The following SLC4A4 variants were observed in gnomAD, a reference collection of about 807,000 sequenced individuals.
SLC4A4 encodes electrogenic sodium bicarbonate cotransporter 1.
Under a neutral mutation model 111.5 loss-of-function variants are expected in SLC4A4, and 27 were observed. The ratio of observed to expected loss-of-function variants is 0.24; its 90% CI spans 0.18 to 0.33. The LOEUF is 0.33. Among genes scored for constraint, SLC4A4 ranks in the 10% least tolerant of loss-of-function variants. The probability of loss-of-function intolerance (pLI) is 1.00; values close to 1 mark genes in which losing one functional copy is unlikely to be tolerated. For synonymous variants in SLC4A4, 443 were observed against 463.4 expected (o/e 0.96, Z 0.57); for missense variants, 909 against 1,315.5 (o/e 0.69, Z 4.78).
chr4:71,482,265 T>G (rs554083303), intron 14 of SLC4A4, among the ~76,000 whole-genome samples: 1 of 151,830 alleles, frequency 6.6e-6, no homozygotes, highest in South Asian at 2.1e-4. Context: ...TTTCAAGTCT[T>G]TCTTCTGAAG....
At chr4:71,129,407 CCA>C (rs1743642447) in intron 2 of SLC4A4, among the ~76,000 whole-genome samples, 1 of 152,002 alleles carries the variant, frequency 6.6e-6, no homozygotes, top group Admixed American at 6.6e-5. Context: ...CAAATTAAAA[CCA>C]CAGTGAGATA....
At chr4:71,498,854 A>AAC (rs1318425189) in intron 16 of SLC4A4, among the ~76,000 whole-genome samples, 3 of 152,266 alleles carry the variant, frequency 2.0e-5, no homozygotes, top group African/African-American at 7.2e-5. Flanking sequence ...CATACAAAAA[A>AAC]ACACACTCTC....
chr4:71,100,273 A>G (rs1353206848), intron 2 of SLC4A4, among the ~76,000 whole-genome samples: 1 of 152,114 alleles, frequency 6.6e-6, no homozygotes, highest in Non-Finnish European at 1.5e-5. Flanking sequence ...TAGACTTCAT[A>G]CCCAGGATGC....
chr4:71,079,811 T>C (rs1368330829), intron 1 of SLC4A4, among the ~76,000 whole-genome samples: 1 of 151,734 alleles, frequency 6.6e-6, no homozygotes, highest in African/African-American at 2.4e-5. Flanking sequence ...ATGCTATGAT[T>C]TGCTGATAGA....
intron 16 of SLC4A4, among the ~76,000 whole-genome samples, chr4:71,516,241 A>C (rs1378372809): frequency 6.7e-6 from 1 of 150,122 alleles, no homozygotes; most frequent in Non-Finnish European, 1.5e-5. Context: ...GACTATAGGC[A>C]CCCGCCACCA....
intron 3 of SLC4A4, among the ~76,000 whole-genome samples, chr4:71,288,763 G>C (rs977746404): frequency 1.3e-5 from 2 of 152,022 alleles, no homozygotes; most frequent in African/African-American, 2.4e-5. Context: ...ATCCTCATTT[G>C]AGACATTTTG....
In SLC4A4 at chr4:71,495,913, A is replaced by G. The variant is rs115554781; in HGVS notation, c.1975-1588A>G. On this transcript the variant is annotated intron_variant, in intron 15 of 25. Coordinates refer to ENST00000264485, the MANE Select transcript of SLC4A4 (RefSeq NM_001098484.3). ...CTTCCACCCAACCACATTGGCATCC[A>G]TTTAGATAGGTACAATTTTGAAAAT... Among the ~76,000 whole-genome samples, 1,471 of 152,198 alleles carry G rather than the reference A, an allele frequency of 9.7e-3. 29 individuals are homozygous for G. The highest frequency in any genetic ancestry group is 0.034 in the African/African-American group (1,411 of 41,546).
chr4:71,357,191 A>G lies in SLC4A4; in HGVS notation c.730+4A>G. The G allele has an allele frequency of 6.2e-7, 1 of 1,613,778 alleles. No homozygotes were observed. ...ATGTTTACCAACCCTGATAATGGTA[A>G]TGCAGAGGCCAGCTGGCTGCTGCTT... On this transcript the variant is annotated splice_donor_region_variant and intron_variant, in intron 6 of 25. Coordinates refer to ENST00000264485, the MANE Select transcript of SLC4A4 (RefSeq NM_001098484.3).
rs779313209 is a variant in SLC4A4, at chr4:71,357,116, A to G, written c.659A>G (p.Asn220Ser). The G allele has an allele frequency of 2.0e-5, 33 of 1,614,086 alleles. No individual in the cohort carries two copies. Among genetic ancestry groups the G allele is most frequent in the East Asian group, 1.1e-4 (5 of 44,878 alleles). Residue 220 changes from asparagine to serine, a missense_variant, in exon 6 of 26, where the codon AAC (asparagine) becomes AGC (serine). Coordinates refer to ENST00000264485, the MANE Select transcript of SLC4A4 (RefSeq NM_001098484.3). Reference protein sequence around the residue: ...RKHRHQTKKSNLRSLADIGKT... With the variant: ...RKHRHQTKKSSLRSLADIGKT... Reference sequence around the variant, plus strand: ...CACCGGCATCAAACCAAGAAATCCAACCTTCGGTCCCTGGCTGACATTGGG... The same window carrying G: ...CACCGGCATCAAACCAAGAAATCCAGCCTTCGGTCCCTGGCTGACATTGGG...
At chr4:71,239,371 T>C (rs2579362) in intron 2 of SLC4A4, among the ~76,000 whole-genome samples, 139,312 of 152,202 alleles carry the variant, frequency 0.92, 64,540 homozygotes, top group East Asian at 0.99. Flanking sequence ...TTGAAATATT[T>C]GTGCTTTAAA....
At chr4:71,134,256 A>G (rs1036655875) in intron 2 of SLC4A4, among the ~76,000 whole-genome samples, 3 of 152,236 alleles carry the variant, frequency 2.0e-5, no homozygotes, top group African/African-American at 7.2e-5. Flanking sequence ...GCTTGAAGCT[A>G]TACTCCCAGA....
chr4:71,094,825 C>T (rs1172601646), intron 2 of SLC4A4, among the ~76,000 whole-genome samples: 4 of 152,152 alleles, frequency 2.6e-5, no homozygotes, highest in African/African-American at 9.7e-5. Context: ...TCTTCTCCTG[C>T]AGTCTTCAGT....
At chr4:71,470,276 G>A (rs1727748062) in intron 13 of SLC4A4, among the ~76,000 whole-genome samples, 1 of 151,910 alleles carries the variant, frequency 6.6e-6, no homozygotes, top group Non-Finnish European at 1.5e-5. Flanking sequence ...GCAAAGGAAA[G>A]TAAAAGTTAT....
intron 14 of SLC4A4, among the ~76,000 whole-genome samples, chr4:71,481,695 T>C (rs914601950): frequency 2.0e-4 from 30 of 151,756 alleles, no homozygotes; most frequent in African/African-American, 7.0e-4. Context: ...ATTTTTGGAA[T>C]AAATAGGCTA....
At chr4:71,179,681 G>T (rs1481869446) in intron 2 of SLC4A4, among the ~76,000 whole-genome samples, 1 of 151,982 alleles carries the variant, frequency 6.6e-6, no homozygotes, top group Admixed American at 6.6e-5. Context: ...ACTACAAACC[G>T]CTGCTCAATG....
chr4:71,383,895 C>G (rs1369775624), intron 6 of SLC4A4, among the ~76,000 whole-genome samples: 1 of 152,156 alleles, frequency 6.6e-6, no homozygotes, highest in Non-Finnish European at 1.5e-5. Context: ...TCCTCTACTG[C>G]CCCCGCTCTG....
At chr4:71,306,525 G>A (rs1429011101) in intron 3 of SLC4A4, among the ~76,000 whole-genome samples, 1 of 152,118 alleles carries the variant, frequency 6.6e-6, no homozygotes, top group Non-Finnish European at 1.5e-5. Context: ...GGGGGTTGCA[G>A]TGAGCTGAGA....
chr4:71,221,895 A>G (rs1421106954), intron 1 of SLC4A4, among the ~76,000 whole-genome samples: 6 of 152,184 alleles, frequency 3.9e-5, no homozygotes, highest in African/African-American at 1.2e-4. Context: ...GATTGGGTCA[A>G]GTTCTGACAT....
chr4:71,131,603 T>C (rs1329786193), intron 2 of SLC4A4, among the ~76,000 whole-genome samples: 1 of 152,214 alleles, frequency 6.6e-6, no homozygotes, highest in African/African-American at 2.4e-5. Flanking sequence ...ATAAAGAATC[T>C]GCACTTTAGA....
Sources: gnomAD v4.1 joint callset for allele counts (sites outside exome capture counted in the v4.1 genomes callset) on GRCh38, gnomAD v4.1.1 for gene constraint, MANE v1.5 for transcripts, NCBI Gene and HGNC (gene_info 2026-07-23, HGNC 2026-07-21) for gene names.